Variants in FUT8 observed in about 807,000 individuals in gnomAD.
FUT8 encodes alpha-(1,6)-fucosyltransferase.
In FUT8, 29 loss-of-function variants were observed where a neutral mutation model predicts 71.3. The ratio of observed to expected loss-of-function variants is 0.41; its 90% CI spans 0.30 to 0.55. The LOEUF (loss-of-function observed/expected upper bound fraction) is 0.55. Among genes scored for constraint, FUT8 ranks in the 20% least tolerant of loss-of-function variants. FUT8 has a pLI of 0.34. For synonymous variants in FUT8, 254 were observed against 239.3 expected (o/e 1.06, Z -0.57); for missense variants, 544 against 702.1 (o/e 0.77, Z 2.55).
intron 1 of FUT8, among the ~76,000 whole-genome samples, chr14:65,431,592 C>T (rs946912664): frequency 2.0e-5 from 3 of 151,498 alleles, no homozygotes; most frequent in African/African-American, 4.9e-5. Context: ...GGATTACAGG[C>T]GTGAGCCACC....
intron 7 of FUT8, among the ~76,000 whole-genome samples, chr14:65,672,325 A>T (rs1027858031): frequency 6.6e-6 from 1 of 152,192 alleles, no homozygotes; most frequent in Non-Finnish European, 1.5e-5. Flanking sequence ...ACACCACAAG[A>T]TGTTTCCTCA....
the FUT8 span, among the ~76,000 whole-genome samples, chr14:65,389,674 C>T: frequency 2.6e-5 from 4 of 151,402 alleles, no homozygotes; most frequent in African/African-American, 4.9e-5. Flanking sequence ...AGGCTTGTCT[C>T]GAAATCCTGA....
intron 1 of FUT8, among the ~76,000 whole-genome samples, chr14:65,433,638 T>A (rs1482557269): frequency 6.6e-6 from 1 of 152,266 alleles, no homozygotes; most frequent in Non-Finnish European, 1.5e-5. Flanking sequence ...CTGCCTGCAC[T>A]GAAGATTTAA....
chr14:65,461,041 G>A (rs2065962044), intron 2 of FUT8, among the ~76,000 whole-genome samples: 1 of 152,182 alleles, frequency 6.6e-6, no homozygotes, highest in African/African-American at 2.4e-5. Context: ...CTATAACAAA[G>A]CACTGTAAAC....
chr14:65,397,962 A>G, the FUT8 span, among the ~76,000 whole-genome samples: 1 of 152,190 alleles, frequency 6.6e-6, no homozygotes, highest in African/African-American at 2.4e-5. The surrounding 1 kb of genome is among the most constrained non-coding windows in gnomAD (Gnocchi z 4.2). Flanking sequence ...GCAGTTCCCA[A>G]AAGCCTATTG....
intron 2 of FUT8, among the ~76,000 whole-genome samples, chr14:65,539,702 T>G (rs576505091): frequency 6.6e-6 from 1 of 152,362 alleles, no homozygotes; most frequent in South Asian, 2.1e-4. Flanking sequence ...AGGGTTGTTG[T>G]GAGGCCTGAA....
chr14:65,595,794 A>G (rs1295564559), intron 3 of FUT8, among the ~76,000 whole-genome samples: 1 of 151,966 alleles, frequency 6.6e-6, no homozygotes, highest in Admixed American at 6.6e-5. Context: ...TATTTTTAGT[A>G]GAGACGGGGT....
chr14:65,630,618 G>A (rs1890135414), intron 6 of FUT8, among the ~76,000 whole-genome samples: 1 of 152,148 alleles, frequency 6.6e-6, no homozygotes, highest in Non-Finnish European at 1.5e-5. Context: ...CAGGTAAGAA[G>A]TATTAAGGTA....
In FUT8 at chr14:65,697,073, C is replaced by T. The variant is rs1031960719; in HGVS notation, c.836-24702C>T. ...GGTTCTGAGGGTTTGTATCTTCAGA[C>T]TATATTTTTTGCCTTTTAGCATGCC... On this transcript the variant is annotated intron_variant, in intron 7 of 10. Coordinates refer to ENST00000673929, the MANE Select transcript of FUT8 (RefSeq NM_001371533.1). Among the ~76,000 whole-genome samples the T allele has an allele frequency of 5.9e-5, 9 of 152,060 alleles. 1 individual carries two copies. Among genetic ancestry groups the T allele is most frequent in the Admixed American group, 2.6e-4 (4 of 15,256 alleles).
rs995145515 is a variant in FUT8 at position 65,472,109 on chromosome 14, G to A, written c.-228+16391G>A. 6.6e-6 allele frequency among the ~76,000 whole-genome samples: 1 copy of A among 152,144 alleles called. No individual in the cohort carries two copies. Among genetic ancestry groups the A allele is most frequent in the Non-Finnish European group, 1.5e-5 (1 of 68,034 alleles). The stretch of plus-strand genomic sequence containing the variant: ...AGGCTAGGTAATTTATAAAGAGTTT[G>A]ATTTACCGCACAGTTCTGCAGGCTG... On this transcript the variant is annotated intron_variant, in intron 2 of 10. Coordinates refer to ENST00000673929, the MANE Select transcript of FUT8 (RefSeq NM_001371533.1). This position sits in a 1 kb window ranked among gnomAD's most constrained non-coding sequence, Gnocchi z 4.4.
At chr14:65,449,055 A>C (rs2065783770) in intron 1 of FUT8, among the ~76,000 whole-genome samples, 1 of 152,220 alleles carries the variant, frequency 6.6e-6, no homozygotes, top group African/African-American at 2.4e-5. Context: ...CAGAACTTAC[A>C]AATTTAGGAC....
intron 1 of FUT8, among the ~76,000 whole-genome samples, chr14:65,444,589 A>G (rs1256714970): frequency 6.6e-6 from 1 of 152,246 alleles, no homozygotes; most frequent in Non-Finnish European, 1.5e-5. Context: ...ACATCATACA[A>G]TGGATGATGT....
intron 7 of FUT8, among the ~76,000 whole-genome samples, chr14:65,716,251 A>G (rs945426397): frequency 2.0e-5 from 3 of 151,842 alleles, no homozygotes; most frequent in South Asian, 2.1e-4. Flanking sequence ...ATTGGGGTCT[A>G]CCTCTCTCGT....
At chr14:65,684,071 T>C (rs1594894336) in intron 7 of FUT8, among the ~76,000 whole-genome samples, 2 of 151,896 alleles carry the variant, frequency 1.3e-5, no homozygotes, top group East Asian at 1.9e-4. Context: ...TTCTTTGTTA[T>C]ACGTTGGTGC....
chr14:65,647,798 G>T (rs1891184523), intron 6 of FUT8, among the ~76,000 whole-genome samples: 2 of 151,982 alleles, frequency 1.3e-5, no homozygotes, highest in African/African-American at 4.8e-5. Context: ...ATTGCTACTA[G>T]TGTGAATAGA....
At chr14:65,423,336 A>T (rs532506001) in intron 1 of FUT8, among the ~76,000 whole-genome samples, 1 of 144,770 alleles carries the variant, frequency 6.9e-6, no homozygotes, top group Admixed American at 7.2e-5. Flanking sequence ...ATCTCTGCTC[A>T]CTGCCAGCTC....
At chr14:65,555,555 C>T (rs1486738452) in intron 2 of FUT8, among the ~76,000 whole-genome samples, 1 of 152,098 alleles carries the variant, frequency 6.6e-6, no homozygotes, top group Non-Finnish European at 1.5e-5. Flanking sequence ...CCTTAAATTC[C>T]CTGAACTTTG....
At chr14:65,645,645 A>C (rs908812220) in intron 6 of FUT8, among the ~76,000 whole-genome samples, 11 of 152,226 alleles carry the variant, frequency 7.2e-5, no homozygotes, top group African/African-American at 2.7e-4. Context: ...GATTCTCATC[A>C]GAAAAGGAAA....
chr14:65,631,983 G>C (rs1427863544), intron 6 of FUT8, among the ~76,000 whole-genome samples: 2 of 152,094 alleles, frequency 1.3e-5, no homozygotes, highest in African/African-American at 4.8e-5. Context: ...ACTTCACTCA[G>C]AATAATAGTC....
Sources: gnomAD v4.1 joint callset for allele counts (sites outside exome capture counted in the v4.1 genomes callset) on GRCh38, gnomAD v4.1.1 for gene constraint, Gnocchi (gnomAD v3.1) non-coding constraint, MANE v1.5 for transcripts, NCBI Gene and HGNC (gene_info 2026-07-23, HGNC 2026-07-21) for gene names.